The following AMMECR1 variants were observed in gnomAD, a reference collection of about 807,000 sequenced individuals.
AMMECR1 encodes the protein nuclear protein AMMECR1.
Under a neutral mutation model 22.5 loss-of-function variants are expected in AMMECR1, and 3 were observed. The observed-to-expected ratio is 0.13, with a 90% confidence interval of 0.06 to 0.35. The LOEUF (loss-of-function observed/expected upper bound fraction) is 0.35, where lower values mean the gene tolerates loss of function less well. AMMECR1 is among the 10% of genes least tolerant of loss of function. AMMECR1 has a pLI of 1.00. For synonymous variants in AMMECR1, 130 were observed against 116.7 expected (o/e 1.11, Z -0.74); for missense variants, 235 against 278.7 (o/e 0.84, Z 1.12).
intron 3 of AMMECR1, among the ~76,000 whole-genome samples, chrX:110,206,472 G>A (rs1381999351): frequency 8.9e-6 from 1 of 111,882 alleles, no homozygotes; most frequent in African/African-American, 3.3e-5. Flanking sequence ...GTCTAATAAG[G>A]CAAGTGTTAG....
At chrX:110,387,135 G>C (rs1030696803) in intron 2 of AMMECR1, among the ~76,000 whole-genome samples, 2 of 111,773 alleles carry the variant, frequency 1.8e-5, no homozygotes, top group African/African-American at 3.3e-5. Context: ...AAGACTTGGA[G>C]AGAAAAAAAT....
At chrX:110,318,108 A>G (rs943143221), upstream of AMMECR1, 3 of 1,089,032 alleles carry the variant, frequency 2.8e-6, no homozygotes, top group African/African-American at 3.8e-5. Flanking sequence ...TTTCCGACCC[A>G]TAAGTGAGGC....
chrX:110,270,472 T>G (rs979323720), intron 1 of AMMECR1, among the ~76,000 whole-genome samples: 1 of 108,436 alleles, frequency 9.2e-6, no homozygotes, highest in Non-Finnish European at 1.9e-5. Context: ...TATAATATGG[T>G]TTTTTTTTCC....
chrX:110,314,364 A>C (rs2068038069), intron 1 of AMMECR1, among the ~76,000 whole-genome samples: 1 of 111,902 alleles, frequency 8.9e-6, no homozygotes, highest in African/African-American at 3.3e-5. Context: ...TCTCAAGAGA[A>C]AGATTCAGTA....
At position 110,235,282 on chromosome X, in the gene AMMECR1, T is replaced by TA. The variant is rs1344179769; in HGVS notation, c.585-18651dup. Reference sequence around the variant, plus strand: ...AATGCAAATCAAAACCACAATGAGATACCATCTTACACCAGTTAGAATGGC... The same window carrying TA: ...AATGCAAATCAAAACCACAATGAGATAACCATCTTACACCAGTTAGAATGGC... On this transcript the variant is annotated intron_variant, in intron 2 of 5. Transcript: ENST00000262844. Among the ~76,000 whole-genome samples the TA allele has an allele frequency of 3.6e-5, 4 of 112,174 alleles. No individual in the cohort carries two copies. In the East Asian group the frequency reaches 1.1e-3, roughly 31 times the overall value.
chrX:110,216,537 C>G lies in AMMECR1; in HGVS notation c.680G>C (p.Cys227Ser). 1 of 1,204,573 alleles carries G rather than the reference C, an allele frequency of 8.3e-7. No individual in the cohort carries two copies. Among genetic ancestry groups the G allele is most frequent in the Non-Finnish European group, 1.1e-6 (1 of 889,973 alleles). ...VSLLTNFEDV[C>S]DYLDWEVGVH... ...TCTTACCTCCCAGTCCAAATAATCACAGACATCTTCAAAGTTAGTGAGCAG... is the reference window on the plus strand; with the variant it reads ...TCTTACCTCCCAGTCCAAATAATCAGAGACATCTTCAAAGTTAGTGAGCAG... Residue 227 changes from cysteine to serine, a missense_variant, in exon 3 of 6, where the codon TGT becomes TCT. This residue lies in a region of AMMECR1 where 111 missense variants were observed against 181.7 expected (regional missense o/e 0.61). Transcript: ENST00000262844.
At chrX:110,428,481 A>T (rs1462749116) in intron 1 of AMMECR1, among the ~76,000 whole-genome samples, 2 of 111,618 alleles carry the variant, frequency 1.8e-5, no homozygotes, top group Non-Finnish European at 3.8e-5. Context: ...TGAATCAATG[A>T]TGACCTTTTC....
intron 2 of AMMECR1, among the ~76,000 whole-genome samples, chrX:110,374,635 C>A (rs1602942812): frequency 8.9e-6 from 1 of 111,828 alleles, no homozygotes; most frequent in East Asian, 2.8e-4. Context: ...GGTGAGATCA[C>A]TGAGAGCTAG....
At chrX:110,264,697 A>G in intron 1 of AMMECR1, 98 bp from the exon 2 acceptor site, 1 of 641,407 alleles carries the variant, frequency 1.6e-6, no homozygotes, top group Non-Finnish European at 2.4e-6. Context: ...CCTGAGATAT[A>G]AAGACCAAAA....
chrX:110,207,959 A>C (rs2067429673), intron 3 of AMMECR1, among the ~76,000 whole-genome samples: 1 of 111,408 alleles, frequency 9.0e-6, no homozygotes, highest in Non-Finnish European at 1.9e-5. Context: ...ACAGAGCAAG[A>C]CTCTGTCTCT....
At chrX:110,409,540 T>C (rs1457960979) in intron 2 of AMMECR1, among the ~76,000 whole-genome samples, 1 of 111,335 alleles carries the variant, frequency 9.0e-6, no homozygotes, top group Non-Finnish European at 1.9e-5. Flanking sequence ...GGCTCGAGTA[T>C]TGTACGTATA....
intron 2 of AMMECR1, among the ~76,000 whole-genome samples, chrX:110,221,295 A>C (rs1180832472): frequency 2.7e-5 from 3 of 111,930 alleles, no homozygotes; most frequent in African/African-American, 9.7e-5. Flanking sequence ...CATACATGGC[A>C]TGTTTGAACC....
intron 2 of AMMECR1, among the ~76,000 whole-genome samples, chrX:110,242,685 T>C (rs2067639602): frequency 8.9e-6 from 1 of 111,943 alleles, no homozygotes; most frequent in South Asian, 3.7e-4. Context: ...ATATTTAAGG[T>C]AATCAGCAAA....
intron 2 of AMMECR1, among the ~76,000 whole-genome samples, chrX:110,329,924 G>A (rs999371417): frequency 2.7e-5 from 3 of 111,606 alleles, no homozygotes; most frequent in Admixed American, 9.6e-5. Flanking sequence ...AGTGTTTTCC[G>A]TGGGACAGTT....
chrX:110,278,135 A>C lies in AMMECR1; in HGVS notation c.474-13536T>G, dbSNP rs1156622960. Among the ~76,000 whole-genome samples, 2 of 112,074 alleles carry C rather than the reference A, an allele frequency of 1.8e-5. 1 individual carries two copies. Among genetic ancestry groups the C allele is most frequent in the Non-Finnish European group, 3.8e-5 (2 of 53,181 alleles). ...TTACCAGTACAAATCTTGTAATAAC[A>C]ATGCCATATCTATAGAAGGACAGTC... On this transcript the variant is annotated intron_variant, in intron 1 of 5. Transcript: ENST00000262844.
chrX:110,241,452 ACACCTCTACG>A (rs2067631961), intron 2 of AMMECR1, among the ~76,000 whole-genome samples: 1 of 112,130 alleles, frequency 8.9e-6, no homozygotes, highest in Admixed American at 9.4e-5. Flanking sequence ...AATACTATAA[ACACCTCTACG>A]CACGTAAACT....
intron 2 of AMMECR1, among the ~76,000 whole-genome samples, chrX:110,338,399 G>A (rs949310565): frequency 1.8e-5 from 2 of 111,891 alleles, no homozygotes; most frequent in African/African-American, 6.5e-5. Flanking sequence ...CAAGAAGCCA[G>A]GGTGGGAGAG....
rs146660429 is a variant in AMMECR1, at chrX:110,300,890, C to A, written c.473+16709G>T. Reference sequence around the variant, plus strand: ...AATATGTCTAATATTCTCATACTTTCTTTTATTTAGCCATGATTTCCTTCA... The same window carrying A: ...AATATGTCTAATATTCTCATACTTTATTTTATTTAGCCATGATTTCCTTCA... On this transcript the variant is annotated intron_variant, in intron 1 of 5. Transcript: ENST00000262844. 2.0e-3 allele frequency among the ~76,000 whole-genome samples: 220 copies of A among 111,181 alleles called. 2 individuals carry two copies. The highest frequency in any genetic ancestry group is 7.5e-3 in the Admixed American group (79 of 10,471).
intron 2 of AMMECR1, among the ~76,000 whole-genome samples, chrX:110,245,894 C>G (rs1006540285): frequency 1.8e-5 from 2 of 111,446 alleles, no homozygotes; most frequent in African/African-American, 6.5e-5. Context: ...CAAAAATGAC[C>G]ATCTCTCTCG....
Sources: allele counts gnomAD v4.1 joint callset (sites outside exome capture counted in the v4.1 genomes callset), GRCh38; gene constraint gnomAD v4.1.1; regional missense constraint gnomAD v4.1.1; transcripts MANE v1.5; gene names NCBI Gene and HGNC (gene_info 2026-07-23, HGNC 2026-07-21).